The following PRSS23 variants were observed in gnomAD, a reference collection of about 807,000 sequenced individuals.
The protein encoded by PRSS23 is protease, serine 23.
A neutral mutation model predicts 34.7 loss-of-function variants in PRSS23; 25 were observed. The ratio of observed to expected loss-of-function variants is 0.72; its 90% CI spans 0.53 to 1.01. The LOEUF is 1.01. Among genes scored for constraint, PRSS23 ranks in the 50% least tolerant of loss-of-function variants. The pLI is 0.00. For missense variants in PRSS23, 445 were observed against 475.6 expected (o/e 0.94, Z 0.60); for synonymous variants, 176 against 186.6 (o/e 0.94, Z 0.46).
intron 2 of PRSS23, among the ~76,000 whole-genome samples, chr11:86,855,784 AG>A (rs1948565837): frequency 6.6e-6 from 1 of 152,160 alleles, no homozygotes; most frequent in African/African-American, 2.4e-5. Context: ...AACAGACATG[AG>A]CCACCACCCC....
chr11:86,951,002 G>T, intron 2 of PRSS23: 1 of 878,572 alleles, frequency 1.1e-6, no homozygotes, highest in Non-Finnish European at 1.9e-6. Flanking sequence ...GGGGTGGGAG[G>T]CAGTGGGTTG....
At chr11:86,945,221 T>C (rs1373222366) in intron 2 of PRSS23, among the ~76,000 whole-genome samples, 1 of 150,182 alleles carries the variant, frequency 6.7e-6, no homozygotes, top group African/African-American at 2.5e-5. Context: ...AAAAAAAAAA[T>C]CTGAAGAAAA....
intron 2 of PRSS23, among the ~76,000 whole-genome samples, chr11:86,928,988 T>C (rs989216051): frequency 6.4e-4 from 97 of 151,954 alleles, no homozygotes; most frequent in African/African-American, 1.9e-3. Flanking sequence ...GAATATGAAG[T>C]GGTACAATCC....
At chr11:86,842,548 A>G (rs1168776466) in intron 2 of PRSS23, among the ~76,000 whole-genome samples, 2 of 152,230 alleles carry the variant, frequency 1.3e-5, no homozygotes, top group Non-Finnish European at 2.9e-5. Context: ...TCAGCCCAAA[A>G]TCTCCCTAAG....
rs182641853 is a variant in PRSS23 at position 86,842,145 on chromosome 11, C to T, written c.206+18552C>T. ...TGTTCAACATACACAAATCAATAAA[C>T]GTAATCCATCACATAAAGAGAACCA... On this transcript the variant is annotated intron_variant, in intron 2 of 2. Transcript: ENST00000533902. 1.0e-3 allele frequency among the ~76,000 whole-genome samples: 153 copies of T among 152,280 alleles called. 1 individual carries two copies. The highest frequency in any genetic ancestry group is 3.3e-3 in the African/African-American group (139 of 41,562).
chr11:86,855,094 A>C (rs188030529), intron 2 of PRSS23, among the ~76,000 whole-genome samples: 1 of 152,106 alleles, frequency 6.6e-6, no homozygotes, highest in East Asian at 1.9e-4. Flanking sequence ...GAAACCCAGG[A>C]GGCAGAGGTT....
intron 2 of PRSS23, among the ~76,000 whole-genome samples, chr11:86,885,002 A>G (rs1948793228): frequency 6.6e-6 from 1 of 152,214 alleles, no homozygotes; most frequent in South Asian, 2.1e-4. Context: ...CAGTAAAGCA[A>G]TTATTTTATT....
At chr11:86,907,553 G>C (rs1948951695) in intron 2 of PRSS23, among the ~76,000 whole-genome samples, 1 of 151,920 alleles carries the variant, frequency 6.6e-6, no homozygotes, top group African/African-American at 2.4e-5. Context: ...GCAGCCTCTT[G>C]GGCTCTAGCA....
chr11:86,942,843 A>C (rs2135028296), intron 2 of PRSS23, among the ~76,000 whole-genome samples: 1 of 152,368 alleles, frequency 6.6e-6, no homozygotes, highest in South Asian at 2.1e-4. Flanking sequence ...GGATCCTCCC[A>C]GTCCTACGGT....
chr11:86,946,762 C>T (rs1174061610), intron 2 of PRSS23: 1 of 152,532 alleles, frequency 6.6e-6, no homozygotes, highest in South Asian at 2.1e-4. Flanking sequence ...AGACATAATA[C>T]AAACCCAGAA....
At chr11:86,819,645 G>A (rs1948239101) in intron 1 of PRSS23, among the ~76,000 whole-genome samples, 1 of 152,072 alleles carries the variant, frequency 6.6e-6, no homozygotes. Context: ...GTTTGGAAAG[G>A]CATACACTGT....
chr11:86,934,162 T>G (rs1949145279), intron 2 of PRSS23: 1 of 152,206 alleles, frequency 6.6e-6, no homozygotes, highest in Non-Finnish European at 1.5e-5. Context: ...TGTATGTTTG[T>G]ACAGCAAATC....
intron 2 of PRSS23, among the ~76,000 whole-genome samples, chr11:86,843,655 A>T (rs1031309953): frequency 6.6e-6 from 1 of 152,260 alleles, no homozygotes; most frequent in East Asian, 1.9e-4. Context: ...GCCAACAGAC[A>T]TATGAAAAAA....
rs937686578 is a variant in PRSS23, at chr11:86,951,699, C to G, written c.*414C>G. ...ACAATGGTTTTCACTGCGGGGATGGCCCAGGCTGCAATGTGGAAATAAGAG... is the reference window on the plus strand; with the variant it reads ...ACAATGGTTTTCACTGCGGGGATGGGCCAGGCTGCAATGTGGAAATAAGAG... On this transcript the variant is annotated 3_prime_UTR_variant, in exon 3 of 3. Transcript: ENST00000533902. The G allele has an allele frequency of 8.7e-6, 14 of 1,614,070 alleles. No homozygotes were observed. Among genetic ancestry groups the G allele is most frequent in the Non-Finnish European group, 1.2e-5 (14 of 1,179,936 alleles).
chr11:86,943,378 A>T (rs757894687), intron 2 of PRSS23, among the ~76,000 whole-genome samples: 1 of 152,244 alleles, frequency 6.6e-6, no homozygotes, highest in Non-Finnish European at 1.5e-5. Context: ...TAATCCCAGC[A>T]CTTTGGGAGG....
intron 2 of PRSS23, among the ~76,000 whole-genome samples, chr11:86,943,423 A>G (rs539807343): frequency 6.6e-6 from 1 of 152,156 alleles, no homozygotes; most frequent in Admixed American, 6.5e-5. Context: ...TCAGGAGTTC[A>G]AGACCAGCCT....
intron 2 of PRSS23, chr11:86,912,152 A>C (rs1948982493): frequency 6.6e-6 from 1 of 152,250 alleles, no homozygotes; most frequent in African/African-American, 2.4e-5. Context: ...GGTGATAAGC[A>C]GAAAAAGACA....
chr11:86,931,108 G>C (rs992337855), intron 2 of PRSS23, among the ~76,000 whole-genome samples: 1 of 152,170 alleles, frequency 6.6e-6, no homozygotes, highest in African/African-American at 2.4e-5. Flanking sequence ...GAGGAGAAAT[G>C]ACTGGAGGAA....
chr11:86,807,378 T>A (rs1948113497), intron 1 of PRSS23, among the ~76,000 whole-genome samples: 1 of 152,148 alleles, frequency 6.6e-6, no homozygotes, highest in African/African-American at 2.4e-5. Flanking sequence ...CTACCATCAT[T>A]AGGGACATCT....
Sources: allele counts gnomAD v4.1 joint callset (sites outside exome capture counted in the v4.1 genomes callset), GRCh38; gene constraint gnomAD v4.1.1; transcripts MANE v1.5; gene names NCBI Gene and HGNC (gene_info 2026-07-23, HGNC 2026-07-21).